The following NRG3 variants were observed in gnomAD, a reference collection of about 807,000 sequenced individuals.
NRG3 encodes the protein pro-neuregulin-3, membrane-bound isoform.
Under a neutral mutation model 66.9 loss-of-function variants are expected in NRG3, and 31 were observed. The ratio of observed to expected loss-of-function variants is 0.46; its 90% CI spans 0.35 to 0.63. The LOEUF (loss-of-function observed/expected upper bound fraction) is 0.63, where lower values mean the gene tolerates loss of function less well. NRG3 is among the 20% of genes least tolerant of loss of function. NRG3 has a pLI of 0.00. For missense variants in NRG3, 910 were observed against 878.9 expected (o/e 1.04, Z -0.45); for synonymous variants, 393 against 359.4 (o/e 1.09, Z -1.06).
chr10:82,963,062 G>A (rs1592106904), intron 6 of NRG3, among the ~76,000 whole-genome samples: 1 of 151,992 alleles, frequency 6.6e-6, no homozygotes, highest in East Asian at 1.9e-4. Context: ...AAATGTACAA[G>A]CATATAATAT....
intron 4 of NRG3, among the ~76,000 whole-genome samples, chr10:82,920,489 G>A (rs573259821): frequency 1.3e-5 from 2 of 152,214 alleles, no homozygotes; most frequent in African/African-American, 2.4e-5. Context: ...TATATACATG[G>A]AATAGCATAT....
chr10:82,822,961 G>A (rs548255238), intron 3 of NRG3, among the ~76,000 whole-genome samples: 2 of 152,258 alleles, frequency 1.3e-5, no homozygotes, highest in Admixed American at 6.5e-5. Context: ...GGCTGACTGC[G>A]GCTAACTAGG....
At chr10:82,025,736 C>G (rs1279489017) in intron 1 of NRG3, among the ~76,000 whole-genome samples, 1 of 151,950 alleles carries the variant, frequency 6.6e-6, no homozygotes, top group Non-Finnish European at 1.5e-5. Flanking sequence ...TAAGAGAATC[C>G]AAAATTATTT....
chr10:82,706,691 C>T (rs1253462647), intron 2 of NRG3, among the ~76,000 whole-genome samples: 1 of 152,072 alleles, frequency 6.6e-6, no homozygotes, highest in Admixed American at 6.5e-5. Flanking sequence ...GACACCCAAT[C>T]AAAAAGAAAT....
At chr10:82,556,817 A>G (rs1414354862) in intron 2 of NRG3, among the ~76,000 whole-genome samples, 4 of 151,952 alleles carry the variant, frequency 2.6e-5, no homozygotes, top group East Asian at 1.9e-4. Flanking sequence ...AGTAGATCCC[A>G]GTGTCTGTTT....
chr10:82,346,290 G>A (rs2083018153), intron 1 of NRG3, among the ~76,000 whole-genome samples: 1 of 149,826 alleles, frequency 6.7e-6, no homozygotes, highest in Non-Finnish European at 1.5e-5. Context: ...GTTGAATTTT[G>A]TCAAAGGCTT....
At chr10:82,454,458 T>A (rs1328149715) in intron 2 of NRG3, among the ~76,000 whole-genome samples, 1 of 151,286 alleles carries the variant, frequency 6.6e-6, no homozygotes, top group Non-Finnish European at 1.5e-5. Context: ...TTAAAAAAAA[T>A]AAAAAAATGC....
intron 2 of NRG3, among the ~76,000 whole-genome samples, chr10:82,594,462 A>G (rs962737606): frequency 1.3e-5 from 2 of 152,146 alleles, no homozygotes; most frequent in African/African-American, 4.8e-5. Context: ...AATCATTTAA[A>G]TGGTAACATT....
chr10:82,487,104 T>C (rs973037748), intron 2 of NRG3, among the ~76,000 whole-genome samples: 7 of 148,208 alleles, frequency 4.7e-5, no homozygotes, highest in Non-Finnish European at 7.4e-5. Flanking sequence ...ATCTATTATA[T>C]AGATATATCT....
At chr10:82,868,227 T>C (rs946137372) in intron 4 of NRG3, among the ~76,000 whole-genome samples, 1 of 152,216 alleles carries the variant, frequency 6.6e-6, no homozygotes, top group African/African-American at 2.4e-5. Flanking sequence ...TGGTAATTTA[T>C]AGAGTTATAA....
At chr10:82,643,607 A>G (rs2050728961) in intron 2 of NRG3, among the ~76,000 whole-genome samples, 1 of 152,098 alleles carries the variant, frequency 6.6e-6, no homozygotes, top group Non-Finnish European at 1.5e-5. Context: ...TGAGGCCTTG[A>G]AAGAAACTTG....
At chr10:82,788,434 G>A (rs914277982) in intron 3 of NRG3, among the ~76,000 whole-genome samples, 4 of 152,132 alleles carry the variant, frequency 2.6e-5, no homozygotes, top group East Asian at 1.9e-4. Context: ...CCTGGGCATG[G>A]TGGTGCATGT....
At chr10:82,464,508 C>T (rs1046559922) in intron 2 of NRG3, among the ~76,000 whole-genome samples, 1 of 152,126 alleles carries the variant, frequency 6.6e-6, no homozygotes, top group Admixed American at 6.5e-5. Flanking sequence ...CTAAAAGAGC[C>T]AGCCTTCCTT....
intron 3 of NRG3, among the ~76,000 whole-genome samples, chr10:82,815,192 T>C (rs2061656057): frequency 6.6e-6 from 1 of 152,228 alleles, no homozygotes; most frequent in South Asian, 2.1e-4. Flanking sequence ...TGAAAGTTTG[T>C]TGTGCCTTCT....
intron 1 of NRG3, among the ~76,000 whole-genome samples, chr10:81,947,330 C>A: frequency 6.6e-6 from 1 of 152,118 alleles, no homozygotes; most frequent in East Asian, 1.9e-4. Context: ...GACCTCATTT[C>A]CAAATAAGAT....
intron 1 of NRG3, among the ~76,000 whole-genome samples, chr10:81,976,294 T>C (rs1177069260): frequency 6.6e-6 from 1 of 152,156 alleles, no homozygotes; most frequent in Non-Finnish European, 1.5e-5. Context: ...TAATAGGCAC[T>C]ATAAAGGTAA....
intron 1 of NRG3, among the ~76,000 whole-genome samples, chr10:81,984,551 T>G (rs2060451633): frequency 6.6e-6 from 1 of 152,196 alleles, no homozygotes; most frequent in African/African-American, 2.4e-5. Flanking sequence ...AAATACGAAC[T>G]TTTTTCTTCT....
chr10:81,905,451 T>C (rs190299583), intron 1 of NRG3, among the ~76,000 whole-genome samples: 2 of 152,282 alleles, frequency 1.3e-5, no homozygotes, highest in African/African-American at 4.8e-5. Context: ...ACCGGGCATT[T>C]TTTTCTGGCC....
At chr10:82,813,745 G>T (rs1019864054) in intron 3 of NRG3, among the ~76,000 whole-genome samples, 2 of 152,048 alleles carry the variant, frequency 1.3e-5, no homozygotes, top group Admixed American at 6.5e-5. Flanking sequence ...ATCTGATCAC[G>T]TTTCAGAATT....
Sources: gnomAD v4.1 joint callset for allele counts (sites outside exome capture counted in the v4.1 genomes callset) on GRCh38, gnomAD v4.1.1 for gene constraint, MANE v1.5 for transcripts, NCBI Gene and HGNC (gene_info 2026-07-23, HGNC 2026-07-21) for gene names.